NF1: variants seen among roughly 807,000 people sequenced by gnomAD.
NF1 encodes the protein neurofibromin 1.
In NF1, 122 loss-of-function variants were observed where a neutral mutation model predicts 325.7. The observed-to-expected ratio is 0.37, with a 90% CI of 0.32 to 0.44. The LOEUF is 0.44. Ranked by LOEUF, NF1 falls within the 20% of genes least tolerant of loss-of-function variation. The probability of loss-of-function intolerance (pLI) is 1.00; values close to 1 mark genes in which losing one functional copy is unlikely to be tolerated. For missense variants in NF1, 2,140 were observed against 3,415.4 expected, an observed-to-expected ratio of 0.63 and a Z score of 9.31; for synonymous variants, 1,091 against 1,186.0, an observed-to-expected ratio of 0.92 and a Z score of 1.65.
At chr17:31,150,558 A>G (rs1437903413) in intron 1 of NF1, among the ~76,000 whole-genome samples, 1 of 152,010 alleles carries the variant, frequency 6.6e-6, no homozygotes, top group Non-Finnish European at 1.5e-5. Context: ...TTTCCCTAGC[A>G]TTTTACTCTC....
chr17:31,193,322 C>G, intron 8 of NF1, among the ~76,000 whole-genome samples: 1 of 152,000 alleles, frequency 6.6e-6, no homozygotes, highest in Middle Eastern at 3.2e-3. Context: ...GTATGGTGTT[C>G]CCTAAATTGA....
intron 36 of NF1, chr17:31,295,693 T>C (rs779884835): frequency 5.6e-6 from 9 of 1,613,922 alleles, no homozygotes; most frequent in Non-Finnish European, 7.6e-6. Flanking sequence ...ACTGAAAGAG[T>C]TGGTCAAAAG....
intron 1 of NF1, among the ~76,000 whole-genome samples, chr17:31,129,838 T>G (rs1291338546): frequency 6.6e-6 from 1 of 152,210 alleles, no homozygotes; most frequent in East Asian, 1.9e-4. Context: ...GTAGCTTCCT[T>G]ACATTGGGTT....
chr17:31,278,573 C>T (rs1238944620), intron 36 of NF1, among the ~76,000 whole-genome samples: 2 of 121,788 alleles, frequency 1.6e-5, no homozygotes, highest in Non-Finnish European at 3.2e-5. Flanking sequence ...ATGCTCATTG[C>T]ACCTGTGCCT....
chr17:31,103,567 G>T (rs1240262051), intron 1 of NF1, among the ~76,000 whole-genome samples: 2 of 151,908 alleles, frequency 1.3e-5, no homozygotes, highest in Non-Finnish European at 2.9e-5. Context: ...TTTTACTATA[G>T]ACGGGGTTTT....
intron 36 of NF1, among the ~76,000 whole-genome samples, chr17:31,282,123 C>T (rs1338714107): frequency 1.3e-5 from 2 of 151,854 alleles, no homozygotes; most frequent in Admixed American, 1.3e-4. Flanking sequence ...TGGTTCACGC[C>T]TGTAATCCCA....
At chr17:31,161,131 A>G (rs2065754751) in intron 3 of NF1, among the ~76,000 whole-genome samples, 1 of 152,234 alleles carries the variant, frequency 6.6e-6, no homozygotes, top group Non-Finnish European at 1.5e-5. Context: ...AGTGAAAGAA[A>G]AATACTTACC....
chr17:31,259,204 GT>G lies in NF1; in HGVS notation c.4430+79del, dbSNP rs1597745845. ...CGGTTTCACATAAATCCATGTACCT[GT>G]TTTACATGAAGTTCCTGTGTAAGTT... On this transcript the variant is annotated intron_variant, in intron 33 of 57. Coordinates refer to ENST00000358273, the MANE Select transcript of NF1 (RefSeq NM_001042492.3). The G allele has an allele frequency of 4.0e-6, 4 of 998,740 alleles. No homozygotes were observed. In the East Asian group the frequency reaches 1.0e-4, roughly 26 times the overall value. 61.9% of individuals were successfully genotyped at this position (998,740 alleles called of 1,614,324 possible). A position where few individuals can be genotyped will look rare whatever the true frequency, so the allele number is the denominator to read the frequency against.
At chr17:31,324,927 G>A (rs975484704) in intron 36 of NF1, among the ~76,000 whole-genome samples, 1 of 152,126 alleles carries the variant, frequency 6.6e-6, no homozygotes. Context: ...TTACTTAGTA[G>A]TATTATCACC....
In NF1 at chr17:31,265,282, T is replaced by C; in HGVS notation, c.4778T>C (p.Phe1593Ser). The C allele has an allele frequency of 6.2e-7, 1 of 1,613,574 alleles. No individual in the cohort carries two copies. The highest frequency in any genetic ancestry group is 8.5e-7 in the Non-Finnish European group (1 of 1,179,662). ...AAGGCTTTGAAAACGTTAAGTATTT[T>C]CTACCAAGCTGGGACTTCCAAAGCT... ...EFKALKTLSIFYQAGTSKAGN... is the reference protein window; with the variant it reads ...EFKALKTLSISYQAGTSKAGN... Residue 1593 changes from phenylalanine to serine, a missense_variant, in exon 36 of 58, where the codon TTC (phenylalanine) becomes TCC (serine). Coordinates refer to ENST00000358273, the MANE Select transcript of NF1 (RefSeq NM_001042492.3).
intron 5 of NF1, among the ~76,000 whole-genome samples, chr17:31,170,954 A>AT (rs1002587275): frequency 2.6e-5 from 4 of 152,202 alleles, no homozygotes; most frequent in Non-Finnish European, 4.4e-5. Context: ...AAACAATAAT[A>AT]TTTTTAATAT....
At position 31,336,359 on chromosome 17, in the gene NF1, A is replaced by G. The variant is rs147995863; in HGVS notation, c.6033A>G (p.Leu2011=). 2.8e-5 allele frequency: 46 copies of G among 1,614,060 alleles called. No individual in the cohort carries two copies. The East Asian group carries it at 4.2e-4, about 15-fold the overall frequency. ...GQITDLLDVV[L]DSFIKTSATG... ...TTACAGATCTGCTTGATGTTGTACT[A>G]GACAGTTTCATCAAAACCAGTGCAA... Residue 2011 remains leucine, a synonymous_variant, in exon 41 of 58, where the codon CTA becomes CTG. Transcript: ENST00000358273. The surrounding 1 kb of genome is among the most constrained non-coding windows in gnomAD (Gnocchi z 5.5).
intron 57 of NF1, among the ~76,000 whole-genome samples, chr17:31,363,435 TC>T (rs1322007269): frequency 2.3e-5 from 3 of 132,692 alleles, no homozygotes; most frequent in Non-Finnish European, 4.8e-5. Flanking sequence ...CTTATCTCTC[TC>T]TTTTTTTTTT....
intron 29 of NF1, among the ~76,000 whole-genome samples, chr17:31,244,441 A>G (rs574405083): frequency 9.9e-5 from 15 of 151,594 alleles, no homozygotes; most frequent in Non-Finnish European, 1.8e-4. Context: ...TTAGGACCTC[A>G]GGGCACTTTA....
intron 32 of NF1, 66 bp from the exon 33 acceptor site, chr17:31,258,966 T>G: frequency 9.8e-7 from 1 of 1,022,570 alleles, no homozygotes; most frequent in Non-Finnish European, 1.4e-6. Flanking sequence ...TTTTAAAGAA[T>G]GTCTTAATGT....
At position 31,337,428 on chromosome 17, in the gene NF1, T is replaced by G. The variant is rs1353492847; in HGVS notation, c.6488T>G (p.Leu2163Trp). The change falls in exon 43 of 58, where the codon TTG becomes TGG. Residue 2163 changes from leucine (L) to tryptophan (W), a missense_variant. By Grantham distance (61) the Leu-to-Trp change is moderately conservative. This residue lies in a region of NF1 where 180 missense variants were observed against 435.1 expected (regional missense o/e 0.41). Coordinates refer to ENST00000358273, the MANE Select transcript of NF1 (RefSeq NM_001042492.3). The stretch of plus-strand genomic sequence containing the variant: ...GAGTTCTCATTACCCAAATTTTACT[T>G]GCTGTTTGGCATTAGCAAAGTCAAG... The part of the protein sequence containing the change: ...LTEFSLPKFY[L>W]LFGISKVKSA... The G allele has an allele frequency of 6.2e-7, 1 of 1,614,054 alleles. No individual in the cohort carries two copies. Among genetic ancestry groups the G allele is most frequent in the Non-Finnish European group, 8.5e-7 (1 of 1,180,000 alleles).
chr17:31,117,356 C>G (rs1597579240), intron 1 of NF1, among the ~76,000 whole-genome samples: 1 of 151,572 alleles, frequency 6.6e-6, no homozygotes, highest in African/African-American at 2.4e-5. Context: ...CCTTTTTTCA[C>G]TGTTACATTC....
chr17:31,323,208 G>A (rs1223858426), intron 36 of NF1, among the ~76,000 whole-genome samples: 1 of 151,830 alleles, frequency 6.6e-6, no homozygotes, highest in Admixed American at 6.6e-5. Flanking sequence ...GACCAGCCTG[G>A]GCAGCATGGC....
At chr17:31,189,514 G>A (rs1329619926) in intron 8 of NF1, among the ~76,000 whole-genome samples, 4 of 152,020 alleles carry the variant, frequency 2.6e-5, no homozygotes, top group South Asian at 2.1e-4. Flanking sequence ...AAAGAAACCC[G>A]TTAGTAATCA....
Sources: allele counts gnomAD v4.1 joint callset (sites outside exome capture counted in the v4.1 genomes callset), GRCh38; gene constraint gnomAD v4.1.1; regional missense constraint gnomAD v4.1.1; non-coding constraint Gnocchi (gnomAD v3.1); transcripts MANE v1.5; gene names NCBI Gene and HGNC (gene_info 2026-07-23, HGNC 2026-07-21).